GPC6: variants seen among roughly 807,000 people sequenced by gnomAD.
GPC6 encodes the protein glypican-6.
GPC6 carries 14 observed loss-of-function variants against 55.2 expected under a neutral mutation model. That is an observed-to-expected ratio of 0.25 (90% CI 0.17 to 0.40). The LOEUF is 0.40. Ranked by LOEUF, GPC6 falls within the 10% of genes least tolerant of loss-of-function variation. The pLI is 1.00. For missense variants in GPC6, 641 were observed against 708.5 expected (o/e 0.90, Z 1.08); for synonymous variants, 278 against 259.6 (o/e 1.07, Z -0.68).
At chr13:94,067,474 G>GTCTCTCTC (rs777653136) in intron 4 of GPC6, among the ~76,000 whole-genome samples, 11 of 142,252 alleles carry the variant, frequency 7.7e-5, no homozygotes, top group African/African-American at 2.5e-4. Context: ...CTCTCTGTCT[G>GTCTCTCTC]TCTGTCTCTC....
intron 3 of GPC6, among the ~76,000 whole-genome samples, chr13:93,886,858 A>G (rs1875371173): frequency 6.6e-6 from 1 of 151,244 alleles, no homozygotes; most frequent in African/African-American, 2.4e-5. Flanking sequence ...TAGTCAGTCC[A>G]TTCTGTTAAC....
At chr13:94,087,340 G>A (rs1037692227) in intron 4 of GPC6, among the ~76,000 whole-genome samples, 13 of 152,148 alleles carry the variant, frequency 8.5e-5, no homozygotes, top group Non-Finnish European at 1.6e-4. Flanking sequence ...AGGCCAGGGT[G>A]ATTAAGTCAC....
chr13:93,780,364 C>T (rs897456040), intron 2 of GPC6, among the ~76,000 whole-genome samples: 13 of 151,942 alleles, frequency 8.6e-5, no homozygotes, highest in Admixed American at 4.6e-4. Flanking sequence ...ATGCTATTTG[C>T]TATTGTAAAC....
chr13:93,360,256 T>C (rs1880998146), intron 1 of GPC6, among the ~76,000 whole-genome samples: 1 of 152,138 alleles, frequency 6.6e-6, no homozygotes, highest in Admixed American at 6.5e-5. Context: ...GGTTGTGAGA[T>C]GGATTCAGAG....
intron 5 of GPC6, among the ~76,000 whole-genome samples, chr13:94,297,025 C>T (rs138494655): frequency 9.6e-4 from 146 of 151,994 alleles, no homozygotes; most frequent in African/African-American, 4.6e-4. Flanking sequence ...GTTTGTTAAA[C>T]GCAGTTGTTA....
chr13:93,290,790 G>T (rs975634456), intron 1 of GPC6, among the ~76,000 whole-genome samples: 1 of 152,088 alleles, frequency 6.6e-6, no homozygotes, highest in South Asian at 2.1e-4. Context: ...CTCTATACAT[G>T]ATATGGTCCT....
intron 2 of GPC6, among the ~76,000 whole-genome samples, chr13:93,735,833 A>G (rs1206528955): frequency 6.6e-6 from 1 of 152,186 alleles, no homozygotes; most frequent in Non-Finnish European, 1.5e-5. Context: ...GATCTGATCC[A>G]TTTCTATGCT....
At chr13:94,300,797 A>AC (rs1566650499) in intron 5 of GPC6, among the ~76,000 whole-genome samples, 1 of 152,218 alleles carries the variant, frequency 6.6e-6, no homozygotes, top group Non-Finnish European at 1.5e-5. Context: ...AATGATTTGT[A>AC]CCACAATAAG....
chr13:94,385,911 G>C (rs1880381522), intron 7 of GPC6, among the ~76,000 whole-genome samples: 1 of 151,980 alleles, frequency 6.6e-6, no homozygotes, highest in South Asian at 2.1e-4. Context: ...TTTAGGAATG[G>C]TTGTTAAAAA....
intron 1 of GPC6, among the ~76,000 whole-genome samples, chr13:93,374,742 GC>G (rs1566323912): frequency 6.6e-6 from 1 of 152,100 alleles, no homozygotes; most frequent in South Asian, 2.1e-4. Context: ...TACTATGGTA[GC>G]TATTACTACC....
At chr13:94,260,519 ATCCTAATCTCTTCTTCT>A (rs1891625989) in intron 4 of GPC6, among the ~76,000 whole-genome samples, 1 of 152,148 alleles carries the variant, frequency 6.6e-6, no homozygotes, top group African/African-American at 2.4e-5. Context: ...GTGTGTCTGC[ATCCTAATCTCTTCTTCT>A]TATAAGGACA....
chr13:93,395,400 G>A (rs887399503), intron 1 of GPC6: 4 of 299,022 alleles, frequency 1.3e-5, no homozygotes, highest in African/African-American at 2.2e-5. Context: ...ACAGAATCAC[G>A]GCCATCAAAA....
intron 3 of GPC6, among the ~76,000 whole-genome samples, chr13:93,977,464 A>AGG (rs34071588): frequency 2.4e-5 from 3 of 122,654 alleles, no homozygotes; most frequent in African/African-American, 9.6e-5. Flanking sequence ...CAAGATGACA[A>AGG]GGGGTGTGTG....
intron 4 of GPC6, among the ~76,000 whole-genome samples, chr13:94,240,031 C>G (rs1055644733): frequency 4.6e-5 from 7 of 152,094 alleles, no homozygotes; most frequent in Admixed American, 4.6e-4. Context: ...TTAAACTTGA[C>G]TCTAGGTATT....
At chr13:93,787,933 T>C (rs1885866325) in intron 2 of GPC6, among the ~76,000 whole-genome samples, 1 of 152,176 alleles carries the variant, frequency 6.6e-6, no homozygotes, top group African/African-American at 2.4e-5. Flanking sequence ...GAGACATTCA[T>C]TGCAGAAGTG....
rs560824468 is a variant in GPC6 at position 93,623,852 on chromosome 13, G to A, written c.319+78431G>A. On this transcript the variant is annotated intron_variant, in intron 2 of 8. Transcript: ENST00000377047. ...TTCTCCTGATGATTAGTGATGTTCAGCATTTTTTCATATACCTGTTGGTCA... is the reference window on the plus strand; with the variant it reads ...TTCTCCTGATGATTAGTGATGTTCAACATTTTTTCATATACCTGTTGGTCA... Among the ~76,000 whole-genome samples the A allele has an allele frequency of 1.8e-3, 281 of 152,144 alleles. 1 individual carries two copies. Among genetic ancestry groups the A allele is most frequent in the Non-Finnish European group, 3.6e-3 (243 of 67,988 alleles).
intron 2 of GPC6, among the ~76,000 whole-genome samples, chr13:93,688,558 T>C (rs1882136631): frequency 1.3e-5 from 2 of 152,032 alleles, no homozygotes; most frequent in African/African-American, 4.8e-5. Context: ...CAAAATGCAC[T>C]ATATACACAC....
At chr13:94,118,717 GA>G (rs1426808909) in intron 4 of GPC6, among the ~76,000 whole-genome samples, 1 of 151,922 alleles carries the variant, frequency 6.6e-6, no homozygotes, top group African/African-American at 2.4e-5. Flanking sequence ...CACCTTTCTT[GA>G]ACTAGTTTAA....
chr13:93,861,108 C>G (rs1888797125), intron 3 of GPC6, among the ~76,000 whole-genome samples: 1 of 151,094 alleles, frequency 6.6e-6, no homozygotes. Context: ...CGTGTAAACC[C>G]CTTAGAACAT....
Sources: gnomAD v4.1 joint callset for allele counts (sites outside exome capture counted in the v4.1 genomes callset) on GRCh38, gnomAD v4.1.1 for gene constraint, MANE v1.5 for transcripts, NCBI Gene and HGNC (gene_info 2026-07-23, HGNC 2026-07-21) for gene names.